ADAMTS7: variants seen among roughly 807,000 people sequenced by gnomAD.
ADAMTS7 encodes the protein ADAM metallopeptidase with thrombospondin type 1 motif 7.
ADAMTS7 carries 89 observed loss-of-function variants against 172.6 expected under a neutral mutation model. The ratio of observed to expected loss-of-function variants is 0.52; its 90% CI spans 0.43 to 0.61. The LOEUF is 0.61. ADAMTS7 is among the 20% of genes least tolerant of loss of function. The pLI, the probability that ADAMTS7 is intolerant of heterozygous loss-of-function variation, is 0.00. For synonymous variants in ADAMTS7, 885 were observed against 978.4 expected, an observed-to-expected ratio of 0.90 and a Z score of 1.78; for missense variants, 1,973 against 2,355.6, an observed-to-expected ratio of 0.84 and a Z score of 3.36.
intron 1 of ADAMTS7, among the ~76,000 whole-genome samples, chr15:78,804,443 A>G (rs1356926302): frequency 6.6e-6 from 1 of 152,160 alleles, no homozygotes; most frequent in East Asian, 1.9e-4. Flanking sequence ...CCCAGCTCCC[A>G]GGATCCTGGC....
intron 19 of ADAMTS7, 101 bp from the exon 20 acceptor site, chr15:78,764,808 A>T: frequency 1.6e-6 from 2 of 1,284,004 alleles, no homozygotes; most frequent in Non-Finnish European, 2.0e-6. Flanking sequence ...TCAGCAAGAC[A>T]GGGGCCCTCT....
chr15:78,764,090 T>C lies in ADAMTS7; in HGVS notation c.4429A>G (p.Ser1477Gly). 6.6e-7 allele frequency: 1 copy of C among 1,526,478 alleles called. No homozygotes were observed. The highest frequency in any genetic ancestry group is 8.8e-7 in the Non-Finnish European group (1 of 1,133,226). The allele number at this position is 1,526,478 out of a possible 1,614,324, so 94.6% of individuals were successfully genotyped here. ...HSGNWSKCSR[S>G]CGGGSSVRDV... Reference sequence around the variant, plus strand: ...CGCACTGAGGAACCTCCGCCGCAGCTGCGGGAGCACTGGGGACCGAGAGAC... The same window carrying C: ...CGCACTGAGGAACCTCCGCCGCAGCCGCGGGAGCACTGGGGACCGAGAGAC... Residue 1477 changes from serine (S) to glycine (G), a missense_variant, in exon 21 of 24, where the codon AGC (serine) becomes GGC (glycine). By Grantham distance (56) the Ser-to-Gly change is moderately conservative. This residue lies in a region of ADAMTS7 where 218 missense variants were observed against 216.9 expected (regional missense o/e 1.01). Coordinates refer to ENST00000388820, the MANE Select transcript of ADAMTS7 (RefSeq NM_014272.5).
In ADAMTS7 at chr15:78,766,256, T is replaced by C; in HGVS notation, c.3655A>G (p.Lys1219Glu). 6.2e-7 allele frequency: 1 copy of C among 1,611,660 alleles called. No homozygotes were observed. Among genetic ancestry groups the C allele is most frequent in the Non-Finnish European group, 8.5e-7 (1 of 1,179,740 alleles). Residue 1219 changes from lysine (K) to glutamate (E), a missense_variant, in exon 19 of 24, where the codon AAG becomes GAG. Transcript: ENST00000388820. ...PWRDRTNEVFKDDEEPKGRGA... is the reference protein window; with the variant it reads ...PWRDRTNEVFEDDEEPKGRGA... ...CGGCCCTTGGGTTCCTCATCATCCT[T>C]GAAAACCTCATTGGTCCTGTCCCGC... is the stretch of plus-strand genomic sequence containing the variant.
At chr15:78,788,004 T>C (rs1410743735) in intron 8 of ADAMTS7, among the ~76,000 whole-genome samples, 1 of 152,164 alleles carries the variant, frequency 6.6e-6, no homozygotes, top group African/African-American at 2.4e-5. Flanking sequence ...AGGAGGACAT[T>C]TGGGATGCCG....
At chr15:78,772,565 C>T (rs192476579) in intron 14 of ADAMTS7, among the ~76,000 whole-genome samples, 11 of 152,342 alleles carry the variant, frequency 7.2e-5, no homozygotes, top group South Asian at 2.1e-4. Flanking sequence ...GCTCGACTTC[C>T]GCCTCCTACA....
intron 8 of ADAMTS7, among the ~76,000 whole-genome samples, chr15:78,779,768 A>C (rs1385289622): frequency 6.6e-6 from 1 of 151,898 alleles, no homozygotes; most frequent in African/African-American, 2.4e-5. Context: ...GGTCCAATGC[A>C]CCTCATCCCA....
rs1158478134 is a variant in ADAMTS7 at position 78,774,241 on chromosome 15, C to T, written c.1936G>A (p.Asp646Asn). 1 of 1,584,184 alleles carries T rather than the reference C, an allele frequency of 6.3e-7. No individual in the cohort carries two copies. Among genetic ancestry groups the T allele is most frequent in the Non-Finnish European group, 8.5e-7 (1 of 1,174,336 alleles). Residue 646 changes from aspartate (D) to asparagine (N), a missense_variant, in exon 13 of 24, where the codon GAC becomes AAC. Physicochemically the swap from Asp to Asn is conservative, Grantham distance 23. Coordinates refer to ENST00000388820, the MANE Select transcript of ADAMTS7 (RefSeq NM_014272.5). ...ANEYFAEKLR[D>N]AVVDGTPCYQ... ...CAGGGGGTGCCATCGACCACGGCGT[C>T]CCGCAGCTTCTCGGCAAAGTACTCA... is the stretch of plus-strand genomic sequence containing the variant.
intron 17 of ADAMTS7, 69 bp downstream of exon 17, chr15:78,768,064 C>CGGGGGATGGGGTGGGGAGTTGGT (rs2055186892): frequency 9.9e-7 from 1 of 1,005,300 alleles, no homozygotes; most frequent in African/African-American, 2.5e-5. Flanking sequence ...GGGGAGTTGG[C>CGGGGGATGGGGTGGGGAGTTGGT]GGGGGATGGG....
intron 1 of ADAMTS7, among the ~76,000 whole-genome samples, chr15:78,806,571 G>A (rs187413088): frequency 6.6e-6 from 1 of 152,166 alleles, no homozygotes; most frequent in African/African-American, 2.4e-5. Context: ...ATATCTCTGG[G>A]TTTGTTTCCT....
Position 78,774,161 on chromosome 15 carries a change from G to A in ADAMTS7, c.2010+6C>T. The stretch of plus-strand genomic sequence containing the variant: ...GCTGGGAGAGCCTCTTCCTAACCAG[G>A]CACACCTTACAGATGCCGTTGATGC... On this transcript the variant is annotated splice_donor_region_variant and intron_variant, in intron 13 of 23. Coordinates refer to ENST00000388820, the MANE Select transcript of ADAMTS7 (RefSeq NM_014272.5). 6.3e-7 allele frequency: 1 copy of A among 1,591,248 alleles called. No homozygotes were observed. Among genetic ancestry groups the A allele is most frequent in the South Asian group, 1.1e-5 (1 of 89,464 alleles).
chr15:78,801,160 C>A (rs558944297), intron 1 of ADAMTS7, among the ~76,000 whole-genome samples: 6 of 152,130 alleles, frequency 3.9e-5, no homozygotes, highest in Admixed American at 2.6e-4. Context: ...TCAAAACCAG[C>A]GCGATCATCG....
chr15:78,769,452 C>A (rs1435692242), intron 16 of ADAMTS7, among the ~76,000 whole-genome samples: 7 of 152,212 alleles, frequency 4.6e-5, no homozygotes, highest in Admixed American at 1.3e-4. Context: ...CACCCCACTG[C>A]CGCTCCCTTG....
intron 8 of ADAMTS7, among the ~76,000 whole-genome samples, chr15:78,779,008 T>G (rs905705857): frequency 1.3e-5 from 2 of 152,148 alleles, no homozygotes; most frequent in African/African-American, 4.8e-5. Flanking sequence ...GGAGGGGGCC[T>G]GGCAGCTTGG....
intron 4 of ADAMTS7, among the ~76,000 whole-genome samples, chr15:78,795,726 G>C (rs1363426516): frequency 2.0e-5 from 3 of 152,228 alleles, no homozygotes; most frequent in Non-Finnish European, 4.4e-5. Context: ...CTGCCAACCA[G>C]GTGGCTGCTA....
intron 4 of ADAMTS7, among the ~76,000 whole-genome samples, chr15:78,795,892 G>A (rs1018659990): frequency 7.9e-5 from 12 of 152,156 alleles, no homozygotes; most frequent in South Asian, 2.1e-4. Context: ...CAGTGCCCCC[G>A]GTGGGACTTA....
At chr15:78,777,991 A>G (rs2141493180) in intron 8 of ADAMTS7, among the ~76,000 whole-genome samples, 1 of 152,102 alleles carries the variant, frequency 6.6e-6, no homozygotes, top group South Asian at 2.1e-4. Context: ...ATCACAGTTG[A>G]CACAACAGAG....
At position 78,766,719 on chromosome 15, in the gene ADAMTS7, G is replaced by A; in HGVS notation, c.3192C>T (p.Tyr1064=). ...LPGPVFVDDF[Y]YDYNFINFHE... The stretch of plus-strand genomic sequence containing the variant: ...GGAAATTGATGAAATTGTAGTCGTA[G>A]TAGAAGTCGTCCACAAACACGGGCC... The change falls in exon 19 of 24, where the codon TAC becomes TAT. Residue 1064 remains tyrosine (Y), a synonymous_variant. Transcript: ENST00000388820. The A allele has an allele frequency of 6.2e-7, 1 of 1,610,862 alleles. No homozygotes were observed. The highest frequency in any genetic ancestry group is 8.5e-7 in the Non-Finnish European group (1 of 1,179,830).
chr15:78,778,991 T>G (rs907832946), intron 8 of ADAMTS7, among the ~76,000 whole-genome samples: 5 of 152,028 alleles, frequency 3.3e-5, no homozygotes, highest in Non-Finnish European at 7.4e-5. Flanking sequence ...GAAGCCCTGA[T>G]TTCAGAGGAG....
At chr15:78,792,609 G>A (rs2055595243) in intron 4 of ADAMTS7, among the ~76,000 whole-genome samples, 1 of 152,200 alleles carries the variant, frequency 6.6e-6, no homozygotes, top group African/African-American at 2.4e-5. Context: ...GAGGTCAGGA[G>A]TTCGAGACCA....
Sources: allele counts gnomAD v4.1 joint callset (sites outside exome capture counted in the v4.1 genomes callset), GRCh38; gene constraint gnomAD v4.1.1; regional missense constraint gnomAD v4.1.1; transcripts MANE v1.5; gene names NCBI Gene and HGNC (gene_info 2026-07-23, HGNC 2026-07-21).